PTK2: variants seen among roughly 807,000 people sequenced by gnomAD.
PTK2 encodes the protein protein tyrosine kinase 2, also known as focal adhesion kinase 1.
A neutral mutation model predicts 150.1 loss-of-function variants in PTK2; 45 were observed. That is an observed-to-expected ratio of 0.30 (90% CI 0.24 to 0.38). The LOEUF (loss-of-function observed/expected upper bound fraction) is 0.38, where lower values mean the gene tolerates loss of function less well. PTK2 is among the 10% of genes least tolerant of loss of function. The pLI, the probability that PTK2 is intolerant of heterozygous loss-of-function variation, is 1.00. For synonymous variants in PTK2, 432 were observed against 449.2 expected (o/e 0.96, Z 0.48); for missense variants, 919 against 1,307.3 (o/e 0.70, Z 4.58).
chr8:140,785,462 G>A (rs2100084398), intron 14 of PTK2, among the ~76,000 whole-genome samples: 1 of 152,172 alleles, frequency 6.6e-6, no homozygotes, highest in Non-Finnish European at 1.5e-5. Context: ...AATGTACAGT[G>A]CACTATAGAG....
intron 15 of PTK2, 65 bp from the exon 18 acceptor site, chr8:140,762,453 G>T: frequency 1.3e-6 from 1 of 793,290 alleles, no homozygotes; most frequent in Non-Finnish European, 1.6e-6. Flanking sequence ...CAGCAATTAG[G>T]TTAACAACAC....
intron 26 of PTK2, among the ~76,000 whole-genome samples, chr8:140,698,629 T>C (rs1487549943): frequency 1.3e-5 from 2 of 152,062 alleles, no homozygotes; most frequent in Non-Finnish European, 2.9e-5. Context: ...AATTTTTGTT[T>C]TTTTGAGACG....
intron 13 of PTK2, among the ~76,000 whole-genome samples, chr8:140,791,982 A>T (rs2100088761): frequency 6.6e-6 from 1 of 152,212 alleles, no homozygotes; most frequent in Non-Finnish European, 1.5e-5. Context: ...CATGTAAGAT[A>T]TTTAATTAGG....
intron 26 of PTK2, among the ~76,000 whole-genome samples, chr8:140,687,596 G>T (rs534422365): frequency 6.6e-6 from 1 of 152,330 alleles, no homozygotes; most frequent in African/African-American, 2.4e-5. Context: ...CACACCATCT[G>T]CAAGCACTTG....
intron 27 of PTK2, among the ~76,000 whole-genome samples, chr8:140,676,238 T>A (rs975192835): frequency 6.6e-6 from 1 of 151,882 alleles, no homozygotes; most frequent in Non-Finnish European, 1.5e-5. Context: ...TAGCTGGGCG[T>A]GGTGGTACGT....
chr8:140,976,784 GTA>G (rs1481526885), intron 1 of PTK2, among the ~76,000 whole-genome samples: 1 of 152,102 alleles, frequency 6.6e-6, no homozygotes, highest in African/African-American at 2.4e-5. Context: ...CATAACTAAG[GTA>G]TAACTTAGGC....
At chr8:140,878,963 G>C (rs2100147288) in intron 4 of PTK2, among the ~76,000 whole-genome samples, 1 of 151,982 alleles carries the variant, frequency 6.6e-6, no homozygotes, top group Non-Finnish European at 1.5e-5. Context: ...GTCATTAAGA[G>C]ATTACGTCCT....
chr8:140,784,728 T>C (rs2100083883), intron 14 of PTK2, among the ~76,000 whole-genome samples: 1 of 151,818 alleles, frequency 6.6e-6, no homozygotes, highest in Admixed American at 6.6e-5. Context: ...TAATTAGGCT[T>C]AAAAAAAAGA....
chr8:140,761,513 AG>A (rs772705910), intron 15 of PTK2, among the ~76,000 whole-genome samples: 4 of 152,168 alleles, frequency 2.6e-5, no homozygotes, highest in East Asian at 1.9e-4. Flanking sequence ...TGTTGTTCCT[AG>A]GAGTTTTTAA....
chr8:140,861,163 A>G (rs1260829160), intron 5 of PTK2, among the ~76,000 whole-genome samples: 1 of 152,154 alleles, frequency 6.6e-6, no homozygotes, highest in African/African-American at 2.4e-5. Context: ...TGGGTAACAT[A>G]GCAAGACCCC....
At chr8:140,883,822 T>C (rs931305361) in intron 3 of PTK2, among the ~76,000 whole-genome samples, 1 of 152,036 alleles carries the variant, frequency 6.6e-6, no homozygotes, top group African/African-American at 2.4e-5. Flanking sequence ...CACCACAAAC[T>C]TGGGAGCTTA....
rs3835176 is a variant in PTK2, at chr8:140,659,719, ATT to A, written c.2947-43_2947-42del. The A allele has an allele frequency of 4.6e-4, 612 of 1,336,294 alleles. 2 individuals carry two copies. Among genetic ancestry groups the A allele is most frequent in the Admixed American group, 1.7e-3 (84 of 49,252 alleles). 82.8% of individuals were successfully genotyped at this position (1,336,294 alleles called of 1,614,324 possible). On this transcript the variant is annotated intron_variant, in intron 31 of 31. Transcript: ENST00000522684. ...TAGGTCAGGAGAACTGTTTTCAGTG[ATT>A]TTTTTTTTTCTTTTTTAGAGAGATG...
intron 7 of PTK2, among the ~76,000 whole-genome samples, chr8:140,839,844 C>T (rs1038076278): frequency 2.6e-5 from 4 of 151,986 alleles, no homozygotes; most frequent in African/African-American, 9.7e-5. Context: ...CTTATTCCAA[C>T]TGGATTTATA....
chr8:140,875,271 T>C (rs1171883475), intron 4 of PTK2, among the ~76,000 whole-genome samples: 2 of 151,836 alleles, frequency 1.3e-5, no homozygotes, highest in East Asian at 3.9e-4. Flanking sequence ...TTGTAAACGA[T>C]AAAGGAAAAA....
chr8:140,710,948 C>T (rs2100036471), intron 23 of PTK2, among the ~76,000 whole-genome samples: 1 of 152,140 alleles, frequency 6.6e-6, no homozygotes, highest in African/African-American at 2.4e-5. Flanking sequence ...GGACTTCTTT[C>T]TTTTGTTTTG....
chr8:140,862,262 A>G (rs6999145), intron 5 of PTK2, among the ~76,000 whole-genome samples: 140,289 of 152,134 alleles, frequency 0.92, 65,538 homozygotes, highest in Non-Finnish European at 1. Context: ...GAAGTAATAC[A>G]AGTAGTGACA....
chr8:140,900,991 C>A (rs933631073), intron 2 of PTK2, among the ~76,000 whole-genome samples: 5 of 152,164 alleles, frequency 3.3e-5, no homozygotes, highest in African/African-American at 1.2e-4. Context: ...AGACATTACA[C>A]TACCTGACTT....
At chr8:140,702,222 CTT>C (rs57156667) in intron 25 of PTK2, among the ~76,000 whole-genome samples, 15 of 123,728 alleles carry the variant, frequency 1.2e-4, no homozygotes, top group Non-Finnish European at 1.3e-4. Context: ...TATTTATTAC[CTT>C]TTTTTTTTTT....
intron 2 of PTK2, among the ~76,000 whole-genome samples, chr8:140,896,571 C>A (rs979454908): frequency 6.6e-6 from 1 of 152,172 alleles, no homozygotes; most frequent in African/African-American, 2.4e-5. Flanking sequence ...ATTTACCAAC[C>A]ATTCATGATA....
Sources: allele counts gnomAD v4.1 joint callset (sites outside exome capture counted in the v4.1 genomes callset), GRCh38; gene constraint gnomAD v4.1.1; transcripts MANE v1.5; gene names NCBI Gene and HGNC (gene_info 2026-07-23, HGNC 2026-07-21).